The following POLR3E variants were observed in gnomAD, a reference collection of about 807,000 sequenced individuals.
The protein encoded by POLR3E is RNA polymerase III subunit E, also known as DNA-directed RNA polymerase III subunit RPC5.
A neutral mutation model predicts 96.6 loss-of-function variants in POLR3E; 41 were observed. That is an observed-to-expected ratio of 0.42 (90% CI 0.33 to 0.55). POLR3E has a LOEUF of 0.55. Ranked by LOEUF, POLR3E falls within the 20% of genes least tolerant of loss-of-function variation. POLR3E has a pLI of 0.06. For synonymous variants in POLR3E, 396 were observed against 383.6 expected (o/e 1.03, Z -0.38); for missense variants, 849 against 952.1 (o/e 0.89, Z 1.43).
rs2048539674 is a variant in POLR3E, at chr16:22,324,609, A to G, written c.1235A>G (p.His412Arg). Residue 412 changes from histidine (H) to arginine (R), a missense_variant, in exon 16 of 21, where the codon CAC (histidine) becomes CGC (arginine). Transcript: ENST00000299853. Reference sequence around the variant, plus strand: ...TATGATGGGGAGTTCATCAAGAAGCACCCGGATGTGGTCCAGCGGCAGCAC... The same window carrying G: ...TATGATGGGGAGTTCATCAAGAAGCGCCCGGATGTGGTCCAGCGGCAGCAC... Reference protein sequence around the residue: ...LPYDGEFIKKHPDVVQRQHML... With the variant: ...LPYDGEFIKKRPDVVQRQHML... 6.2e-7 allele frequency: 1 copy of G among 1,613,628 alleles called. No individual in the cohort carries two copies. The highest frequency in any genetic ancestry group is 8.5e-7 in the Non-Finnish European group (1 of 1,179,934).
In POLR3E at chr16:22,315,142, CTA is replaced by C; in HGVS notation, c.578_579del (p.Tyr193Ter). ...AGGCCCGCCAGCGCCGTGTGCAGTCCTATGAGTTCCTGCAGAAGAAGCACGCA... is the reference window on the plus strand; with the variant it reads ...AGGCCCGCCAGCGCCGTGTGCAGTCCTGAGTTCCTGCAGAAGAAGCACGCA... Reference protein sequence around the residue: ...EQARQRRVQSYEFLQKKHAEE... With the variant: ...EQARQRRVQSXEFLQKKHAEE... On this transcript the variant is annotated frameshift_variant, in exon 9 of 21. Coordinates refer to ENST00000299853, the MANE Select transcript of POLR3E (RefSeq NM_018119.4). LOFTEE classifies it high-confidence loss of function. 1 of 1,612,720 alleles carries C rather than the reference CTA, an allele frequency of 6.2e-7. No individual in the cohort carries two copies. Among genetic ancestry groups the C allele is most frequent in the Non-Finnish European group, 8.5e-7 (1 of 1,179,406 alleles).
chr16:22,307,246 C>T (rs909691690), intron 3 of POLR3E, among the ~76,000 whole-genome samples: 1 of 152,200 alleles, frequency 6.6e-6, no homozygotes, highest in Non-Finnish European at 1.5e-5. Context: ...CTGCGCCCTT[C>T]AGCCTTCCCA....
In POLR3E at chr16:22,315,189, T is replaced by G; in HGVS notation, c.623T>G (p.Leu208Arg). The G allele has an allele frequency of 6.3e-7, 1 of 1,596,964 alleles. No individual in the cohort carries two copies. The highest frequency in any genetic ancestry group is 8.5e-7 in the Non-Finnish European group (1 of 1,171,584). Residue 208 changes from leucine to arginine, a missense_variant, in exon 9 of 21, where the codon CTG (leucine) becomes CGG (arginine). Physicochemically the swap from Leu to Arg is moderately radical, Grantham distance 102 (BLOSUM62 -2). Transcript: ENST00000299853. ...CACGCAGAGGAGCCCTGGGTCCACCTGCATTACTATGGCCTGAGGGTGAGC... is the reference window on the plus strand; with the variant it reads ...CACGCAGAGGAGCCCTGGGTCCACCGGCATTACTATGGCCTGAGGGTGAGC... ...KKHAEEPWVHLHYYGLRDSRS... is the reference protein window; with the variant it reads ...KKHAEEPWVHRHYYGLRDSRS...
chr16:22,305,267 C>T, intron 3 of POLR3E, 61 bp downstream of exon 3: 2 of 1,212,464 alleles, frequency 1.6e-6, no homozygotes, highest in South Asian at 2.4e-5. Flanking sequence ...GGTGTGGACT[C>T]AGGAACACGG....
chr16:22,299,309 G>T (rs147813977), intron 1 of POLR3E, among the ~76,000 whole-genome samples: 54 of 152,124 alleles, frequency 3.5e-4, no homozygotes, highest in Middle Eastern at 6.8e-3. Flanking sequence ...ACAGAGACAA[G>T]ATTATGTAGG....
At chr16:22,309,187 C>T (rs2048193701) in intron 5 of POLR3E, 147 bp downstream of exon 5, 1 of 657,596 alleles carries the variant, frequency 1.5e-6, no homozygotes, top group Non-Finnish European at 2.7e-6. Context: ...GTCTCAGACT[C>T]TGCCCTCCTG....
intron 20 of POLR3E, among the ~76,000 whole-genome samples, chr16:22,332,830 A>G (rs2048769032): frequency 6.6e-6 from 1 of 152,044 alleles, no homozygotes; most frequent in South Asian, 2.1e-4. Context: ...AATACCAACC[A>G]TATTTGCAGC....
chr16:22,304,593 A>T (rs2048096041), intron 2 of POLR3E, among the ~76,000 whole-genome samples: 2 of 151,888 alleles, frequency 1.3e-5, no homozygotes, highest in African/African-American at 4.8e-5. Context: ...GCATGTGCAA[A>T]GGCCCAGGGG....
At chr16:22,312,326 C>G (rs2048263384) in intron 6 of POLR3E, among the ~76,000 whole-genome samples, 1 of 152,000 alleles carries the variant, frequency 6.6e-6, no homozygotes, top group Non-Finnish European at 1.5e-5. Flanking sequence ...AAAATCTCAT[C>G]TCTTCCAAAA....
Position 22,318,907 on chromosome 16 carries a change from A to T in POLR3E, c.947A>T (p.Lys316Met), listed in dbSNP as rs2048414582. Residue 316 changes from lysine to methionine, a missense_variant, in exon 13 of 21, where the codon AAG (lysine) becomes ATG (methionine). Coordinates refer to ENST00000299853, the MANE Select transcript of POLR3E (RefSeq NM_018119.4). The surrounding 1 kb of genome is among the most constrained non-coding windows in gnomAD (Gnocchi z 5.0). ...DSVAVLRGIQ[K>M]VAMLVQGNWV... ...GTGGCTGTTCTGCGGGGCATCCAGA[A>T]GGTGGCGATGTTGGTCCAAGGGAAC... The T allele has an allele frequency of 1.2e-6, 2 of 1,613,760 alleles. No homozygotes were observed. The highest frequency in any genetic ancestry group is 1.7e-6 in the Non-Finnish European group (2 of 1,179,804).
At chr16:22,328,803 C>T in intron 19 of POLR3E, 1 of 533,742 alleles carries the variant, frequency 1.9e-6, no homozygotes, top group South Asian at 2.0e-5. Context: ...AGATGCCAGT[C>T]TGTGAGCCAG....
chr16:22,302,076 T>C (rs762038616), intron 1 of POLR3E, among the ~76,000 whole-genome samples: 4 of 152,036 alleles, frequency 2.6e-5, no homozygotes, highest in African/African-American at 4.8e-5. Flanking sequence ...ATACTCAACC[T>C]GCCCCGTGGA....
chr16:22,327,666 TGTTGTACATGAG>T (rs1266582029), intron 18 of POLR3E: 2 of 152,266 alleles, frequency 1.3e-5, no homozygotes, highest in Non-Finnish European at 2.9e-5. Flanking sequence ...GCCACCTCTG[TGTTGTACATGAG>T]GGAGCTGAGG....
intron 8 of POLR3E, chr16:22,314,882 C>T (rs555043004): frequency 4.2e-5 from 20 of 479,544 alleles, no homozygotes; most frequent in Middle Eastern, 5.7e-4. Flanking sequence ...TGGGCAGGCA[C>T]GAGCAAGTAT....
chr16:22,331,847 C>T, intron 19 of POLR3E: 1 of 488,042 alleles, frequency 2.0e-6, no homozygotes, highest in East Asian at 3.6e-5. Context: ...CCAGACATAG[C>T]ATTAATGCCT....
At position 22,315,124 on chromosome 16, in the gene POLR3E, C is replaced by T; in HGVS notation, c.558C>T (p.Arg186=). 2 of 1,613,484 alleles carry T rather than the reference C, an allele frequency of 1.2e-6. No individual in the cohort carries two copies. Among genetic ancestry groups the T allele is most frequent in the Non-Finnish European group, 1.7e-6 (2 of 1,179,850 alleles). ...RFSRPESEQA[R]QRRVQSYEFL... ...CCCGGCCGGAGTCAGAGCAGGCCCGCCAGCGCCGTGTGCAGTCCTATGAGT... is the reference window on the plus strand; with the variant it reads ...CCCGGCCGGAGTCAGAGCAGGCCCGTCAGCGCCGTGTGCAGTCCTATGAGT... The change falls in exon 9 of 21, where the codon CGC becomes CGT. Residue 186 remains arginine, a synonymous_variant. Coordinates refer to ENST00000299853, the MANE Select transcript of POLR3E (RefSeq NM_018119.4).
chr16:22,316,858 T>C (rs535998073), intron 10 of POLR3E, 137 bp from the exon 11 acceptor site: 16 of 854,884 alleles, frequency 1.9e-5, no homozygotes, highest in South Asian at 1.8e-4. Context: ...TCCACTTTTC[T>C]GCAGGGGCTC....
At chr16:22,303,037 G>A in intron 2 of POLR3E, 33 bp downstream of exon 2, 1 of 1,604,632 alleles carries the variant, frequency 6.2e-7, no homozygotes, top group Non-Finnish European at 8.5e-7. Flanking sequence ...TGCCGCCGGG[G>A]CTACAGGCAG....
At chr16:22,332,252 G>A in intron 20 of POLR3E, 67 bp downstream of exon 20, 1 of 1,426,272 alleles carries the variant, frequency 7.0e-7, no homozygotes, top group Non-Finnish European at 9.7e-7. Flanking sequence ...TGTGTAGAAG[G>A]GACTCTAGTG....
Sources: allele counts gnomAD v4.1 joint callset (sites outside exome capture counted in the v4.1 genomes callset), GRCh38; gene constraint gnomAD v4.1.1; non-coding constraint Gnocchi (gnomAD v3.1); transcripts MANE v1.5; gene names NCBI Gene and HGNC (gene_info 2026-07-23, HGNC 2026-07-21).